Variants in TEX36 observed in about 807,000 individuals in gnomAD.
TEX36 encodes testis expressed 36.
TEX36 carries 12 observed loss-of-function variants against 13.6 expected under a neutral mutation model. That is an observed-to-expected ratio of 0.88 (90% CI 0.56 to 1.43). The LOEUF (loss-of-function observed/expected upper bound fraction) is 1.43, where lower values mean the gene tolerates loss of function less well. TEX36 is among the 40% of genes most tolerant of loss of function. TEX36 has a pLI of 0.00. For synonymous variants in TEX36, 93 were observed against 83.0 expected (o/e 1.12, Z -0.65); for missense variants, 224 against 228.3 (o/e 0.98, Z 0.12).
At chr10:125,583,876 C>G (rs1001190406) in intron 3 of TEX36, among the ~76,000 whole-genome samples, 2 of 152,178 alleles carry the variant, frequency 1.3e-5, no homozygotes, top group Admixed American at 1.3e-4. Context: ...TGTACTCCAG[C>G]CTTTTCATCC....
intron 3 of TEX36, among the ~76,000 whole-genome samples, chr10:125,645,720 T>C (rs1033093518): frequency 1.7e-4 from 26 of 152,144 alleles, no homozygotes; most frequent in African/African-American, 4.6e-4. Context: ...GATATTAGCA[T>C]TGGAGAAAAG....
chr10:125,676,530 C>A (rs1039618754), intron 1 of TEX36, among the ~76,000 whole-genome samples: 1 of 151,994 alleles, frequency 6.6e-6, no homozygotes, highest in African/African-American at 2.4e-5. Context: ...TTCTTGTAAG[C>A]AGCATATAGT....
downstream of TEX36, among the ~76,000 whole-genome samples, chr10:125,617,149 CTCCA>C (rs1846371123): frequency 6.6e-6 from 1 of 151,794 alleles, no homozygotes; most frequent in Admixed American, 6.6e-5. Flanking sequence ...GTAGATCTTC[CTCCA>C]TCCTTTTATT....
At chr10:125,633,026 A>C (rs1199594985) in intron 3 of TEX36, among the ~76,000 whole-genome samples, 1 of 152,028 alleles carries the variant, frequency 6.6e-6, no homozygotes. Context: ...CCGGAGTCTG[A>C]GGCAGGAGAA....
chr10:125,609,291 G>T (rs779696212), intron 3 of TEX36, among the ~76,000 whole-genome samples: 1 of 152,162 alleles, frequency 6.6e-6, no homozygotes. Context: ...ACAATTCAAT[G>T]GTGTGAAATG....
intron 3 of TEX36, among the ~76,000 whole-genome samples, chr10:125,644,807 G>A (rs974968035): frequency 2.6e-5 from 4 of 152,162 alleles, no homozygotes; most frequent in East Asian, 1.9e-4. Context: ...AAATATGAAG[G>A]TTATCCTGGT....
At chr10:125,662,538 G>A (rs1847062796) in intron 1 of TEX36, among the ~76,000 whole-genome samples, 1 of 152,108 alleles carries the variant, frequency 6.6e-6, no homozygotes, top group African/African-American at 2.4e-5. Context: ...AGAAAAATGA[G>A]GACTGAGGAT....
downstream of TEX36, among the ~76,000 whole-genome samples, chr10:125,618,209 C>G (rs1846382740): frequency 6.6e-6 from 1 of 151,576 alleles, no homozygotes; most frequent in African/African-American, 2.4e-5. Flanking sequence ...TCAAAGTTTT[C>G]AACTTCTTTG....
chr10:125,660,413 C>T (rs574031054), intron 3 of TEX36, among the ~76,000 whole-genome samples: 2 of 152,352 alleles, frequency 1.3e-5, no homozygotes, highest in South Asian at 4.1e-4. Context: ...GGCTGAGCCA[C>T]TGCTCCCAGC....
At chr10:125,663,733 G>T (rs902377554) in intron 1 of TEX36, among the ~76,000 whole-genome samples, 1 of 151,896 alleles carries the variant, frequency 6.6e-6, no homozygotes, top group South Asian at 2.1e-4. Flanking sequence ...TGTGTACATA[G>T]TAGCTGTATA....
chr10:125,612,089 C>CTTTTT (rs1221864951), intron 3 of TEX36, among the ~76,000 whole-genome samples: 2 of 136,794 alleles, frequency 1.5e-5, no homozygotes, highest in East Asian at 2.1e-4. Context: ...TTTTCTTTTT[C>CTTTTT]TTTTTTTTTT....
At chr10:125,611,755 T>C (rs1846292902) in intron 3 of TEX36, among the ~76,000 whole-genome samples, 1 of 152,140 alleles carries the variant, frequency 6.6e-6, no homozygotes, top group South Asian at 2.1e-4. Context: ...TTCCTTAGTA[T>C]TATGCTAAAA....
chr10:125,577,524 T>A (rs781172311), intron 3 of TEX36, among the ~76,000 whole-genome samples: 3 of 152,118 alleles, frequency 2.0e-5, no homozygotes, highest in Non-Finnish European at 4.4e-5. Flanking sequence ...CACAAAAAAA[T>A]TGAATATAAG....
downstream of TEX36, among the ~76,000 whole-genome samples, chr10:125,653,485 C>T (rs1846895211): frequency 3.0e-5 from 3 of 100,220 alleles, no homozygotes; most frequent in South Asian, 6.5e-4. Flanking sequence ...CAGAGCCTGT[C>T]ATGGGGTGGG....
chr10:125,579,282 A>C (rs1444015421), intron 3 of TEX36, among the ~76,000 whole-genome samples: 1 of 152,216 alleles, frequency 6.6e-6, no homozygotes, highest in Non-Finnish European at 1.5e-5. Flanking sequence ...TCATGGTGAA[A>C]GAGGAAGCAA....
At chr10:125,581,889 G>C (rs1225672329) in intron 3 of TEX36, among the ~76,000 whole-genome samples, 1 of 152,304 alleles carries the variant, frequency 6.6e-6, no homozygotes, top group East Asian at 1.9e-4. Context: ...GTAAGTAACT[G>C]TCTGTCCTCC....
chr10:125,622,713 G>A (rs1378889680), intron 3 of TEX36, among the ~76,000 whole-genome samples: 1 of 152,250 alleles, frequency 6.6e-6, no homozygotes, highest in Admixed American at 6.5e-5. Flanking sequence ...GAGACGCCCA[G>A]AGGGATCTCA....
intron 3 of TEX36, among the ~76,000 whole-genome samples, chr10:125,649,730 GT>G (rs1221269635): frequency 1.2e-4 from 19 of 152,214 alleles, no homozygotes; most frequent in Middle Eastern, 3.2e-3. Context: ...AGAGCCATCA[GT>G]GTGCTGTATT....
intron 3 of TEX36, among the ~76,000 whole-genome samples, chr10:125,581,820 C>T (rs1845886712): frequency 6.6e-6 from 1 of 152,206 alleles, no homozygotes; most frequent in Admixed American, 6.5e-5. Context: ...CTCACACCTC[C>T]CAACCCATGG....
Sources: allele counts gnomAD v4.1 joint callset (sites outside exome capture counted in the v4.1 genomes callset), GRCh38; gene constraint gnomAD v4.1.1; transcripts MANE v1.5; gene names NCBI Gene and HGNC (gene_info 2026-07-23, HGNC 2026-07-21).